The following GDA variants were observed in gnomAD, a reference collection of about 807,000 sequenced individuals.
The protein encoded by GDA is guanine deaminase, also known as cytoplasmic PSD-95 interactor.
Under a neutral mutation model 59.6 loss-of-function variants are expected in GDA, and 18 were observed. The ratio of observed to expected loss-of-function variants is 0.30; its 90% CI spans 0.21 to 0.45. The LOEUF (loss-of-function observed/expected upper bound fraction) is 0.45, where lower values mean the gene tolerates loss of function less well. Ranked by LOEUF, GDA falls within the 20% of genes least tolerant of loss-of-function variation. The pLI is 1.00. For missense variants in GDA, 427 were observed against 552.3 expected (o/e 0.77, Z 2.27); for synonymous variants, 201 against 201.1 (o/e 1.00, Z 0.00).
intron 12 of GDA, among the ~76,000 whole-genome samples, chr9:72,245,813 A>G (rs1840079722): frequency 6.6e-6 from 1 of 152,090 alleles, no homozygotes. Flanking sequence ...TTAATTTTAT[A>G]AGAAAATGAA....
intron 2 of GDA, among the ~76,000 whole-genome samples, chr9:72,196,872 T>A (rs183708324): frequency 6.6e-6 from 1 of 152,122 alleles, no homozygotes; most frequent in African/African-American, 2.4e-5. Flanking sequence ...GTTAGTTTGC[T>A]GAAAGTCATG....
rs1053780216 is a variant in GDA at position 72,249,338 on chromosome 9, A to G, written c.*996A>G. 5.1e-6 allele frequency: 5 copies of G among 977,650 alleles called. No homozygotes were observed. Among genetic ancestry groups the G allele is most frequent in the Admixed American group, 6.2e-5 (1 of 16,236 alleles). The allele number at this position is 977,650 out of a possible 1,614,324, so 60.6% of individuals were successfully genotyped here. ...TAGTTTCTGGAAATTCCATACTCAG[A>G]TATCAGTCTGCTAGAACTTTAAAAT... On this transcript the variant is annotated 3_prime_UTR_variant, in exon 14 of 14. Transcript: ENST00000358399.
chr9:72,187,140 C>T (rs1202771956), intron 1 of GDA, among the ~76,000 whole-genome samples: 1 of 152,208 alleles, frequency 6.6e-6, no homozygotes, highest in East Asian at 1.9e-4. Flanking sequence ...AGTGGAGTCA[C>T]TCTCAACTTC....
intron 6 of GDA, 62 bp downstream of exon 6, chr9:72,219,568 A>C: frequency 8.0e-7 from 1 of 1,243,858 alleles, no homozygotes; most frequent in Non-Finnish European, 1.2e-6. Flanking sequence ...AGGATTCATA[A>C]AGTTGCTTGA....
At chr9:72,134,899 A>G (rs1335508280) in intron 1 of GDA, among the ~76,000 whole-genome samples, 3 of 152,186 alleles carry the variant, frequency 2.0e-5, no homozygotes, top group Non-Finnish European at 4.4e-5. Context: ...ACTCCAGTCA[A>G]CCAAGCTCCT....
chr9:72,225,462 A>G (rs1180949235), intron 7 of GDA, among the ~76,000 whole-genome samples: 9 of 152,112 alleles, frequency 5.9e-5, no homozygotes, highest in Non-Finnish European at 5.9e-5. Flanking sequence ...CACACACTAC[A>G]TGTTCATAAT....
At chr9:72,127,116 T>C (rs1408955020) in intron 1 of GDA, among the ~76,000 whole-genome samples, 1 of 152,050 alleles carries the variant, frequency 6.6e-6, no homozygotes, top group Non-Finnish European at 1.5e-5. Flanking sequence ...TAATTACTTA[T>C]GTCAGAGTTG....
chr9:72,158,984 A>C (rs1206634720), intron 1 of GDA, among the ~76,000 whole-genome samples: 1 of 152,088 alleles, frequency 6.6e-6, no homozygotes, highest in African/African-American at 2.4e-5. Flanking sequence ...CAAAGGCAAG[A>C]CTCAGAGCCA....
chr9:72,251,033 G>A lies in GDA; in HGVS notation c.*2691G>A, dbSNP rs1840625480. On this transcript the variant is annotated 3_prime_UTR_variant, in exon 14 of 14. Coordinates refer to ENST00000358399, the MANE Select transcript of GDA (RefSeq NM_004293.5). ...GACTGTTCCCTAATTTATTCTCTTG[G>A]CTGGTTCTCTCATTGAATTATCAGA... 1 of 540,004 alleles carries A rather than the reference G, an allele frequency of 1.9e-6. No individual in the cohort carries two copies. The highest frequency in any genetic ancestry group is 1.9e-5 in the African/African-American group (1 of 52,246). The allele number at this position is 540,004 out of a possible 1,614,324, so 33.5% of individuals were successfully genotyped here.
rs869237933 is a variant in GDA at position 72,192,223 on chromosome 9, C to CTTTT, written c.124-3252_124-3249dup. Reference sequence around the variant, plus strand: ...CTCTGACTGTGTATTTTCAAATAGCCTTTTTTTTTTTTTTTTTTTTTTTTT... The same window carrying CTTTT: ...CTCTGACTGTGTATTTTCAAATAGCCTTTTTTTTTTTTTTTTTTTTTTTTTTTTT... On this transcript the variant is annotated intron_variant, in intron 1 of 13. Coordinates refer to ENST00000358399, the MANE Select transcript of GDA (RefSeq NM_004293.5). Among the ~76,000 whole-genome samples, 73 of 46,278 alleles carry CTTTT rather than the reference C, an allele frequency of 1.6e-3. 22 individuals carry two copies. Among genetic ancestry groups the CTTTT allele is most frequent in the African/African-American group, 5.1e-3 (58 of 11,456 alleles). 30.4% of individuals were successfully genotyped at this position (46,278 alleles called of 152,430 possible).
At chr9:72,247,308 A>G (rs1840253576) in intron 12 of GDA, 98 bp from the exon 13 acceptor site, 3 of 805,282 alleles carry the variant, frequency 3.7e-6, no homozygotes, top group African/African-American at 3.4e-5. Context: ...TGAGAAACAA[A>G]TTCGTATTTC....
chr9:72,229,377 A>G (rs893154974), intron 9 of GDA, among the ~76,000 whole-genome samples: 1 of 151,840 alleles, frequency 6.6e-6, no homozygotes, highest in Non-Finnish European at 1.5e-5. Context: ...AAACAAACAA[A>G]CAAACAAAAC....
chr9:72,222,454 T>A (rs946254704), intron 6 of GDA, among the ~76,000 whole-genome samples: 6 of 152,232 alleles, frequency 3.9e-5, no homozygotes, highest in Non-Finnish European at 7.3e-5. Flanking sequence ...TTATAGATGC[T>A]GGATATTAGA....
Position 72,250,213 on chromosome 9 carries a change from G to A in GDA, c.*1871G>A. ...TACATGGTGTCTAACCAAATGAGCA[G>A]GCTTAGGAATTTAGATGAGATGTGT... On this transcript the variant is annotated 3_prime_UTR_variant, in exon 14 of 14. Transcript: ENST00000358399. The A allele has an allele frequency of 1.0e-6, 1 of 986,884 alleles. No homozygotes were observed. Among genetic ancestry groups the A allele is most frequent in the Non-Finnish European group, 1.2e-6 (1 of 831,004 alleles). 61.1% of individuals were successfully genotyped at this position (986,884 alleles called of 1,614,324 possible). A position where few individuals can be genotyped will look rare whatever the true frequency, so the allele number is the denominator to read the frequency against.
chr9:72,257,923 C>T (rs983111227), downstream of GDA: 3 of 146,488 alleles, frequency 2.0e-5, no homozygotes, highest in African/African-American at 7.8e-5. Flanking sequence ...CAGAGCCAGA[C>T]CTAGTCTCGA....
intron 1 of GDA, among the ~76,000 whole-genome samples, chr9:72,172,612 G>A (rs887511475): frequency 3.7e-4 from 56 of 152,242 alleles, no homozygotes; most frequent in Admixed American, 1.0e-3. Context: ...TAGGGTTTGC[G>A]CTAGGACCTC....
At chr9:72,155,923 A>AT (rs571708257) in intron 1 of GDA, among the ~76,000 whole-genome samples, 41 of 152,300 alleles carry the variant, frequency 2.7e-4, no homozygotes, top group Non-Finnish European at 5.0e-4. Context: ...GGTCTACCTA[A>AT]TAGGGTTGTT....
chr9:72,209,059 G>A (rs1835053058), intron 3 of GDA, among the ~76,000 whole-genome samples: 2 of 150,076 alleles, frequency 1.3e-5, no homozygotes, highest in African/African-American at 2.4e-5. Context: ...GAAATCCAAT[G>A]TCGTTGTGAG....
intron 3 of GDA, among the ~76,000 whole-genome samples, chr9:72,208,851 T>G (rs72727236): frequency 0.075 from 11,469 of 152,246 alleles, 596 homozygotes; most frequent in Middle Eastern, 0.12. Context: ...GCATTGCATT[T>G]TTTGCAAGTA....
Sources: allele counts gnomAD v4.1 joint callset (sites outside exome capture counted in the v4.1 genomes callset), GRCh38; gene constraint gnomAD v4.1.1; transcripts MANE v1.5; gene names NCBI Gene and HGNC (gene_info 2026-07-23, HGNC 2026-07-21).